The following POTEH variants were observed in gnomAD, a reference collection of about 807,000 sequenced individuals.
POTEH encodes ANKRD26-like family C member 3.
A neutral mutation model predicts 41.7 loss-of-function variants in POTEH; 6 were observed. That is an observed-to-expected ratio of 0.14 (90% CI 0.08 to 0.28). POTEH has a LOEUF of 0.28. POTEH is among the 10% of genes least tolerant of loss of function. The pLI, the probability that POTEH is intolerant of heterozygous loss-of-function variation, is 1.00. For missense variants in POTEH, 115 were observed against 533.5 expected, an observed-to-expected ratio of 0.22 and a Z score of 7.73; for synonymous variants, 38 against 179.9, an observed-to-expected ratio of 0.21 and a Z score of 6.31.
At chr22:15,712,640 T>C (rs1338891074) in intron 9 of POTEH, among the ~76,000 whole-genome samples, 70 of 59,032 alleles carry the variant, frequency 1.2e-3, no homozygotes, top group Non-Finnish European at 1.8e-3. Context: ...TATTTGAGTA[T>C]TCACCTCACC....
In POTEH at chr22:15,690,199, G is replaced by C; in HGVS notation, c.122G>C (p.Ser41Thr). Residue 41 changes from serine to threonine, a missense_variant, in exon 1 of 11, where the codon AGC (serine) becomes ACC (threonine). Ser to Thr is a moderately conservative substitution (Grantham distance 58, BLOSUM62 1). Transcript: ENST00000343518. ...CFAWCRGSGK[S>T]NVGTSGDHDD... ...GCCTGGTGCAGGGGGAGCGGCAAGAGCAACGTGGGCACTTCTGGAGACCAC... is the reference window on the plus strand; with the variant it reads ...GCCTGGTGCAGGGGGAGCGGCAAGACCAACGTGGGCACTTCTGGAGACCAC... 1 of 1,358,136 alleles carries C rather than the reference G, an allele frequency of 7.4e-7. No individual in the cohort carries two copies. Among genetic ancestry groups the C allele is most frequent in the South Asian group, 1.2e-5 (1 of 83,232 alleles). 84.1% of individuals were successfully genotyped at this position (1,358,136 alleles called of 1,614,324 possible). A position where few individuals can be genotyped will look rare whatever the true frequency, so the allele number is the denominator to read the frequency against.
At chr22:15,718,682 TATC>T (rs1415522188) in intron 9 of POTEH, among the ~76,000 whole-genome samples, 1 of 150,928 alleles carries the variant, frequency 6.6e-6, no homozygotes, top group African/African-American at 2.5e-5. Flanking sequence ...TATAAGGTAA[TATC>T]ATTGGTGAAG....
intron 6 of POTEH, among the ~76,000 whole-genome samples, chr22:15,704,541 GGAA>G (rs1989630110): frequency 3.0e-5 from 1 of 33,042 alleles, no homozygotes; most frequent in African/African-American, 8.4e-5. Context: ...TAAAACAGTA[GGAA>G]CCAGAGTTGT....
chr22:15,693,114 A>G (rs1192091601), intron 1 of POTEH, among the ~76,000 whole-genome samples: 9 of 127,982 alleles, frequency 7.0e-5, no homozygotes, highest in African/African-American at 2.8e-5. Context: ...ACCTTGCTAT[A>G]GCAAGTGAGA....
chr22:15,713,374 C>G (rs1340199662), intron 9 of POTEH, among the ~76,000 whole-genome samples: 1 of 152,300 alleles, frequency 6.6e-6, no homozygotes, highest in Non-Finnish European at 1.5e-5. Context: ...CAGGACCTCA[C>G]TCCCTCAGGC....
chr22:15,691,981 GATACATAT>G (rs1393216333), intron 1 of POTEH, among the ~76,000 whole-genome samples: 13 of 123,054 alleles, frequency 1.1e-4, no homozygotes, highest in African/African-American at 3.2e-4. Flanking sequence ...TACATATGCA[GATACATAT>G]ATATATATAT....
intron 9 of POTEH, among the ~76,000 whole-genome samples, chr22:15,713,432 C>T (rs1341382588): frequency 6.6e-6 from 1 of 152,296 alleles, no homozygotes; most frequent in African/African-American, 2.4e-5. Flanking sequence ...GTTTTGCTTG[C>T]TCCTCCTCAT....
rs1164296740 is a variant in POTEH at position 15,717,237 on chromosome 22, G to A, written c.1521-2423G>A. The stretch of plus-strand genomic sequence containing the variant: ...CTGATTCCATATCTTTGCATATTGT[G>A]AATTGTGCTGCAGTAAACATATGTG... On this transcript the variant is annotated intron_variant, in intron 9 of 10. Transcript: ENST00000343518. 8.7e-5 allele frequency among the ~76,000 whole-genome samples: 8 copies of A among 91,602 alleles called. 3 individuals are homozygous for A. In the Admixed American group the frequency reaches 1.0e-3, roughly 12 times the overall value. 60.1% of individuals were successfully genotyped at this position (91,602 alleles called of 152,430 possible).
intron 9 of POTEH, among the ~76,000 whole-genome samples, chr22:15,714,797 CA>C (rs1989900460): frequency 7.7e-6 from 1 of 130,602 alleles, no homozygotes; most frequent in Non-Finnish European, 1.6e-5. Flanking sequence ...ATTGTATCAC[CA>C]GGACGCATCA....
chr22:15,691,563 A>G (rs916175704), intron 1 of POTEH, among the ~76,000 whole-genome samples: 1 of 138,956 alleles, frequency 7.2e-6, no homozygotes, highest in Non-Finnish European at 1.6e-5. Flanking sequence ...TTTTCTATTT[A>G]TCACTTTTAC....
intron 9 of POTEH, among the ~76,000 whole-genome samples, chr22:15,713,604 C>T (rs1221376064): frequency 1.2e-4 from 19 of 152,320 alleles, no homozygotes; most frequent in Non-Finnish European, 2.6e-4. Context: ...GCTTCCAGCG[C>T]TTCTCCTGCC....
At chr22:15,706,138 T>TG (rs1330228747) in intron 6 of POTEH, among the ~76,000 whole-genome samples, 47 of 148,902 alleles carry the variant, frequency 3.2e-4, no homozygotes, top group Admixed American at 5.3e-4. Context: ...TTTTCCCTCT[T>TG]GCTGCCTGCA....
chr22:15,707,868 T>C (rs369940254), intron 6 of POTEH, among the ~76,000 whole-genome samples, 152 bp from the exon 7 acceptor site: 33 of 151,178 alleles, frequency 2.2e-4, no homozygotes, highest in African/African-American at 7.8e-4. Context: ...TTTGAAGTTT[T>C]TGAGAATTAT....
chr22:15,703,705 A>C (rs1989609358), intron 6 of POTEH, among the ~76,000 whole-genome samples: 1 of 149,512 alleles, frequency 6.7e-6, no homozygotes, highest in Non-Finnish European at 1.5e-5. Context: ...TGTATAGTCC[A>C]AACTGTATGA....
At chr22:15,714,227 A>G (rs1434657944) in intron 9 of POTEH, among the ~76,000 whole-genome samples, 1 of 152,078 alleles carries the variant, frequency 6.6e-6, no homozygotes, top group East Asian at 1.9e-4. Flanking sequence ...TGCCATCTAG[A>G]TGAGTGTCAT....
At chr22:15,691,981 G>GAT (rs1403078945) in intron 1 of POTEH, among the ~76,000 whole-genome samples, 2 of 123,036 alleles carry the variant, frequency 1.6e-5, no homozygotes, top group Non-Finnish European at 1.7e-5. Context: ...TACATATGCA[G>GAT]ATACATATAT....
At chr22:15,694,633 C>T (rs1989402951) in intron 1 of POTEH, among the ~76,000 whole-genome samples, 1 of 136,874 alleles carries the variant, frequency 7.3e-6, no homozygotes, top group Non-Finnish European at 1.6e-5. Flanking sequence ...AAATGCTGGT[C>T]ATCTGACTGG....
intron 1 of POTEH, among the ~76,000 whole-genome samples, chr22:15,692,009 A>ATATAAATAAAAC (rs1421248855): frequency 1.3e-3 from 171 of 128,034 alleles, no homozygotes; most frequent in South Asian, 4.6e-3. Context: ...TATATATATA[A>ATATAAATAAAAC]ATTTCTTTTT....
rs1208310921 is a variant in POTEH at position 15,696,769 on chromosome 22, G to A, written c.921+951G>A. Among the ~76,000 whole-genome samples the A allele has an allele frequency of 1.4e-4, 14 of 101,512 alleles. 3 individuals carry two copies. Among genetic ancestry groups the A allele is most frequent in the African/African-American group, 3.4e-4 (11 of 32,152 alleles). 66.6% of individuals were successfully genotyped at this position (101,512 alleles called of 152,430 possible). ...GTTGACTAGATACTGTTGTGTTACC[G>A]GGAAAAATTATGTGGTGTTTTCAGC... On this transcript the variant is annotated intron_variant, in intron 3 of 10. Coordinates refer to ENST00000343518, the MANE Select transcript of POTEH (RefSeq NM_001136213.1).
Sources: allele counts gnomAD v4.1 joint callset (sites outside exome capture counted in the v4.1 genomes callset), GRCh38; gene constraint gnomAD v4.1.1; transcripts MANE v1.5; gene names NCBI Gene and HGNC (gene_info 2026-07-23, HGNC 2026-07-21).